ADD3: variants seen among roughly 807,000 people sequenced by gnomAD.
The protein encoded by ADD3 is adducin 3, also known as gamma-adducin.
Under a neutral mutation model 80.2 loss-of-function variants are expected in ADD3, and 25 were observed. The observed-to-expected ratio is 0.31, with a 90% CI of 0.23 to 0.44. ADD3 has a LOEUF of 0.44. Ranked by LOEUF, ADD3 falls within the 20% of genes least tolerant of loss-of-function variation. ADD3 has a pLI of 1.00. For synonymous variants in ADD3, 284 were observed against 289.6 expected (o/e 0.98, Z 0.20); for missense variants, 829 against 847.5 (o/e 0.98, Z 0.27).
intron 1 of ADD3, among the ~76,000 whole-genome samples, chr10:110,095,643 T>G (rs551844623): frequency 6.6e-6 from 1 of 152,346 alleles, no homozygotes; most frequent in South Asian, 2.1e-4. Flanking sequence ...TTGGGTTGTT[T>G]CTACTTTTTC....
intron 2 of ADD3, chr10:110,112,279 CTG>C: frequency 6.5e-6 from 1 of 152,868 alleles, no homozygotes; most frequent in Non-Finnish European, 1.5e-5. Flanking sequence ...CACCACCACG[CTG>C]GGCTAATTTT....
At chr10:110,037,296 A>G (rs1242093234) in intron 1 of ADD3, among the ~76,000 whole-genome samples, 1 of 152,216 alleles carries the variant, frequency 6.6e-6, no homozygotes, top group Non-Finnish European at 1.5e-5. Flanking sequence ...GTGACTAGCC[A>G]CACAGTTCAG....
At chr10:110,016,654 T>C (rs1218203871) in intron 1 of ADD3, 2 of 152,226 alleles carry the variant, frequency 1.3e-5, no homozygotes, top group Non-Finnish European at 2.9e-5. Context: ...ATACTTCGAT[T>C]GTTTTTTTCT....
Position 110,125,944 on chromosome 10 carries a change from A to C in ADD3, c.1520A>C (p.Lys507Thr), listed in dbSNP as rs930800118. Residue 507 changes from lysine to threonine, a missense_variant and splice_region_variant, in exon 11 of 15, where the codon AAG becomes ACG. Coordinates refer to ENST00000356080, the MANE Select transcript of ADD3 (RefSeq NM_016824.5). ...NPNEVLEKRN[K>T]IREQNRYDLK... Reference sequence around the variant, plus strand: ...AATGAGGTACTAGAAAAGAGAAATAAGGTAAGACATGGTCTTCTATAGCCA... The same window carrying C: ...AATGAGGTACTAGAAAAGAGAAATACGGTAAGACATGGTCTTCTATAGCCA... 5.0e-6 allele frequency: 8 copies of C among 1,602,930 alleles called. No individual in the cohort carries two copies. The highest frequency in any genetic ancestry group is 6.8e-6 in the Non-Finnish European group (8 of 1,172,886).
At chr10:110,029,870 G>A (rs1163114751) in intron 1 of ADD3, among the ~76,000 whole-genome samples, 2 of 152,074 alleles carry the variant, frequency 1.3e-5, no homozygotes, top group African/African-American at 4.8e-5. Flanking sequence ...CAGATATAAA[G>A]AATTTTTAAA....
chr10:110,063,093 T>C (rs1259428890), intron 1 of ADD3, among the ~76,000 whole-genome samples: 1 of 152,218 alleles, frequency 6.6e-6, no homozygotes, highest in East Asian at 1.9e-4. Flanking sequence ...AACAATGTCT[T>C]CATTTTTTTT....
At chr10:110,070,332 T>G (rs2133629001) in intron 1 of ADD3, among the ~76,000 whole-genome samples, 1 of 152,286 alleles carries the variant, frequency 6.6e-6, no homozygotes, top group Admixed American at 6.5e-5. Flanking sequence ...TGATACCTGT[T>G]CACTTGTAGC....
Position 110,119,486 on chromosome 10 carries a change from T to C in ADD3, c.882T>C (p.His294=), listed in dbSNP as rs767510759. The C allele has an allele frequency of 4.3e-6, 7 of 1,614,172 alleles. No individual in the cohort carries two copies. In the South Asian group the frequency reaches 7.7e-5, roughly 18 times the overall value. ...PSCKVLVLRN[H]GVVALGETLE... ...TTTAGGTGCTGGTACTCAGGAATCA[T>C]GGTGTGGTTGCACTTGGAGAAACAT... Residue 294 remains histidine (H), a synonymous_variant, in exon 8 of 15, where the codon CAT becomes CAC. Coordinates refer to ENST00000356080, the MANE Select transcript of ADD3 (RefSeq NM_016824.5).
At chr10:110,013,456 A>G (rs924194534) in intron 1 of ADD3, among the ~76,000 whole-genome samples, 1 of 152,332 alleles carries the variant, frequency 6.6e-6, no homozygotes, top group South Asian at 2.1e-4. Flanking sequence ...TGCAGTGGGC[A>G]TATGCAATTT....
chr10:110,126,950 A>G (rs1590241127), intron 12 of ADD3, among the ~76,000 whole-genome samples: 1 of 152,210 alleles, frequency 6.6e-6, no homozygotes, highest in South Asian at 2.1e-4. Context: ...AAGAAGTACC[A>G]TTGTTTTATA....
intron 1 of ADD3, among the ~76,000 whole-genome samples, chr10:110,091,312 A>G (rs868108583): frequency 6.6e-5 from 10 of 152,248 alleles, no homozygotes; most frequent in Non-Finnish European, 7.3e-5. Flanking sequence ...ATCTATAACC[A>G]TGAGTAATTT....
chr10:110,124,886 C>A (rs1447514610), intron 10 of ADD3, among the ~76,000 whole-genome samples: 1 of 152,152 alleles, frequency 6.6e-6, no homozygotes, highest in Non-Finnish European at 1.5e-5. Context: ...TGCAGCTCAA[C>A]ACAAATTTGT....
intron 3 of ADD3, 94 bp from the exon 4 acceptor site, chr10:110,116,165 G>A: frequency 8.3e-7 from 1 of 1,199,934 alleles, no homozygotes; most frequent in South Asian, 1.4e-5. Context: ...TACAAGGCTG[G>A]GATACTCCCA....
At chr10:110,026,014 A>G (rs1370649341) in intron 1 of ADD3, among the ~76,000 whole-genome samples, 4 of 152,136 alleles carry the variant, frequency 2.6e-5, no homozygotes, top group Admixed American at 2.6e-4. Flanking sequence ...TGTTTTCTTA[A>G]TAGAAGCCAC....
At chr10:110,116,976 T>C (rs1175253885) in intron 4 of ADD3, among the ~76,000 whole-genome samples, 4 of 152,208 alleles carry the variant, frequency 2.6e-5, no homozygotes, top group Non-Finnish European at 5.9e-5. Context: ...GAGATTTTGT[T>C]CTCTTTCCTT....
chr10:110,125,927 A>G lies in ADD3; in HGVS notation c.1503A>G (p.Val501=). The G allele has an allele frequency of 6.2e-7, 1 of 1,606,624 alleles. No homozygotes were observed. The highest frequency in any genetic ancestry group is 8.5e-7 in the Non-Finnish European group (1 of 1,175,166). Residue 501 remains valine, a synonymous_variant, in exon 11 of 15, where the codon GTA becomes GTG. Coordinates refer to ENST00000356080, the MANE Select transcript of ADD3 (RefSeq NM_016824.5). ...FVPLNTNPNE[V]LEKRNKIREQ... ...CTTTAAACACAAACCCGAATGAGGT[A>G]CTAGAAAAGAGAAATAAGGTAAGAC...
chr10:110,120,194 A>G (rs1389584694), intron 8 of ADD3, among the ~76,000 whole-genome samples: 1 of 148,776 alleles, frequency 6.7e-6, no homozygotes, highest in Admixed American at 6.7e-5. Flanking sequence ...ATCTAGCATT[A>G]GGTATATCTC....
intron 1 of ADD3, among the ~76,000 whole-genome samples, chr10:110,019,348 TTC>T (rs1014638641): frequency 4.6e-5 from 7 of 150,574 alleles, no homozygotes; most frequent in African/African-American, 1.5e-4. Flanking sequence ...GCAAGTAACT[TTC>T]TGTTTGCTTT....
chr10:110,114,086 G>A (rs1483290038), intron 3 of ADD3, among the ~76,000 whole-genome samples: 1 of 152,212 alleles, frequency 6.6e-6, no homozygotes, highest in African/African-American at 2.4e-5. Context: ...GGAACAAGGA[G>A]CTACAGGAGA....
Sources: allele counts gnomAD v4.1 joint callset (sites outside exome capture counted in the v4.1 genomes callset), GRCh38; gene constraint gnomAD v4.1.1; transcripts MANE v1.5; gene names NCBI Gene and HGNC (gene_info 2026-07-23, HGNC 2026-07-21).